Variants in CCDC171 observed in about 807,000 individuals in gnomAD.
CCDC171 encodes the protein coiled-coil domain-containing protein 171.
In CCDC171, 177 loss-of-function variants were observed where a neutral mutation model predicts 168.2. The ratio of observed to expected loss-of-function variants is 1.05; its 90% CI spans 0.93 to 1.19. The LOEUF (loss-of-function observed/expected upper bound fraction) is 1.19, where lower values mean the gene tolerates loss of function less well. CCDC171 is among the 50% of genes most tolerant of loss of function. CCDC171 has a pLI of 0.00. For missense variants in CCDC171, 1,991 were observed against 1,539.0 expected, an observed-to-expected ratio of 1.29 and a Z score of -4.91; for synonymous variants, 687 against 540.8, an observed-to-expected ratio of 1.27 and a Z score of -3.75.
chr9:16,076,488 G>T, the CCDC171 span, among the ~76,000 whole-genome samples: 5 of 152,192 alleles, frequency 3.3e-5, no homozygotes, highest in Non-Finnish European at 5.9e-5. Flanking sequence ...TCTTTCAGAA[G>T]CAGAAGCCTT....
chr9:15,936,327 C>G (rs1054086039), intron 25 of CCDC171, among the ~76,000 whole-genome samples: 3 of 151,854 alleles, frequency 2.0e-5, no homozygotes, highest in Admixed American at 2.0e-4. Context: ...AAAATTTTTT[C>G]CTGAACTTAA....
At chr9:15,725,440 G>T (rs947495631) in intron 14 of CCDC171, among the ~76,000 whole-genome samples, 1 of 151,934 alleles carries the variant, frequency 6.6e-6, no homozygotes, top group Non-Finnish European at 1.5e-5. Context: ...CCACATCTTC[G>T]TTTCCTTATT....
chr9:15,843,839 A>G (rs1034173559), intron 21 of CCDC171, among the ~76,000 whole-genome samples: 1 of 152,014 alleles, frequency 6.6e-6, no homozygotes, highest in African/African-American at 2.4e-5. Context: ...TTTTCTCATG[A>G]GCAGAAGGGC....
rs577656676 is a variant in CCDC171 at position 15,914,926 on chromosome 9, G to A, written c.3601-5344G>A. Among the ~76,000 whole-genome samples the A allele has an allele frequency of 2.6e-5, 4 of 152,148 alleles. No homozygotes were observed. The South Asian group carries it at 6.2e-4, about 24-fold the overall frequency. On this transcript the variant is annotated intron_variant, in intron 24 of 25. Coordinates refer to ENST00000380701, the MANE Select transcript of CCDC171 (RefSeq NM_173550.4). The stretch of plus-strand genomic sequence containing the variant: ...AGTTCCCTGACCCCTTGTGCTTCCC[G>A]GGTGAGGTGATGCCCCACTCTGCTT...
intron 25 of CCDC171, among the ~76,000 whole-genome samples, chr9:15,957,137 T>C (rs1459303764): frequency 6.6e-6 from 1 of 151,858 alleles, no homozygotes; most frequent in Non-Finnish European, 1.5e-5. Context: ...GTTCTGAGCA[T>C]ACAGGCAAGA....
chr9:15,553,794 C>T (rs192774530), intron 1 of CCDC171, among the ~76,000 whole-genome samples: 5 of 152,226 alleles, frequency 3.3e-5, no homozygotes, highest in Admixed American at 1.3e-4. Flanking sequence ...GTGCGTTTTC[C>T]CGAAGCTGTA....
At chr9:15,610,776 C>G (rs981496608) in intron 6 of CCDC171, among the ~76,000 whole-genome samples, 2 of 152,080 alleles carry the variant, frequency 1.3e-5, no homozygotes, top group African/African-American at 4.8e-5. Context: ...CCAGTCTGGT[C>G]TTGAACTCCT....
chr9:15,930,649 G>C (rs917383936), intron 25 of CCDC171, among the ~76,000 whole-genome samples: 32 of 151,688 alleles, frequency 2.1e-4, no homozygotes, highest in African/African-American at 7.2e-4. Flanking sequence ...CAAAAAGTAA[G>C]ACTTTATGTT....
intron 7 of CCDC171, among the ~76,000 whole-genome samples, chr9:15,645,567 T>C (rs1056104392): frequency 1.3e-5 from 2 of 152,130 alleles, no homozygotes; most frequent in African/African-American, 4.8e-5. Context: ...CTGACTGAGC[T>C]GAAAACCATG....
intron 6 of CCDC171, among the ~76,000 whole-genome samples, chr9:15,615,765 G>T (rs2044032818): frequency 6.7e-6 from 1 of 148,166 alleles, no homozygotes; most frequent in East Asian, 2.1e-4. Context: ...AGTAAAATGG[G>T]AATCACGTGT....
chr9:16,034,667 C>A (rs1833430777), intron 6 of CCDC171, among the ~76,000 whole-genome samples: 1 of 152,196 alleles, frequency 6.6e-6, no homozygotes, highest in Admixed American at 6.5e-5. Context: ...AGTGTTCTCA[C>A]CACTGTGATG....
intron 11 of CCDC171, among the ~76,000 whole-genome samples, chr9:15,719,967 A>C (rs1011609828): frequency 9.0e-6 from 1 of 111,420 alleles, no homozygotes; most frequent in African/African-American, 2.7e-5. Context: ...TCCAACTCAT[A>C]GTCATTACGA....
intron 25 of CCDC171, among the ~76,000 whole-genome samples, chr9:15,944,137 G>A (rs1828031640): frequency 6.6e-6 from 1 of 151,820 alleles, no homozygotes; most frequent in Non-Finnish European, 1.5e-5. Flanking sequence ...GTTTTTTTGT[G>A]ATAAACGTGA....
At chr9:15,896,672 C>A (rs1436038948) in intron 24 of CCDC171, among the ~76,000 whole-genome samples, 1 of 152,048 alleles carries the variant, frequency 6.6e-6, no homozygotes, top group African/African-American at 2.4e-5. Flanking sequence ...CTATCCTTAT[C>A]AATGTCACCA....
chr9:15,907,079 T>G (rs1274431195), intron 24 of CCDC171, among the ~76,000 whole-genome samples: 3 of 152,274 alleles, frequency 2.0e-5, no homozygotes, highest in African/African-American at 7.2e-5. Flanking sequence ...TGGCCATACT[T>G]TCCAAGGTAA....
intron 4 of CCDC171, among the ~76,000 whole-genome samples, chr9:15,579,971 C>G (rs1442167153): frequency 6.6e-6 from 1 of 152,104 alleles, no homozygotes. Context: ...AATGTGAATT[C>G]AGATTTAGAT....
At chr9:15,597,247 G>A (rs2042442601) in intron 6 of CCDC171, among the ~76,000 whole-genome samples, 1 of 152,074 alleles carries the variant, frequency 6.6e-6, no homozygotes, top group Non-Finnish European at 1.5e-5. Flanking sequence ...AATGCTTCCA[G>A]TTTTTGCCCA....
intron 18 of CCDC171, among the ~76,000 whole-genome samples, chr9:15,769,245 C>T (rs892168061): frequency 2.0e-5 from 3 of 152,094 alleles, no homozygotes; most frequent in Non-Finnish European, 2.9e-5. Context: ...TATTGTCATT[C>T]TCTGACTGAA....
Position 15,705,489 on chromosome 9 carries a change from C to G in CCDC171, c.1318+10152C>G, listed in dbSNP as rs1248013149. ...CCATTTCTTGAATATGCCAAGCATG[C>G]TTTTGCCTTAGATGCCTTTGTACTG... On this transcript the variant is annotated intron_variant, in intron 11 of 25. Transcript: ENST00000380701. Among the ~76,000 whole-genome samples the G allele has an allele frequency of 3.9e-5, 6 of 152,186 alleles. No homozygotes were observed. The East Asian group carries it at 9.6e-4, about 24-fold the overall frequency.
Sources: gnomAD v4.1 joint callset for allele counts (sites outside exome capture counted in the v4.1 genomes callset) on GRCh38, gnomAD v4.1.1 for gene constraint, MANE v1.5 for transcripts, NCBI Gene and HGNC (gene_info 2026-07-23, HGNC 2026-07-21) for gene names.